The following SUGCT variants were observed in gnomAD, a reference collection of about 807,000 sequenced individuals.
SUGCT encodes the protein succinyl-CoA:glutarate-CoA transferase.
In SUGCT, 41 loss-of-function variants were observed where a neutral mutation model predicts 55.0. That is an observed-to-expected ratio of 0.74 (90% CI 0.58 to 0.97). The LOEUF (loss-of-function observed/expected upper bound fraction) is 0.97. Ranked by LOEUF, SUGCT falls within the 50% of genes least tolerant of loss-of-function variation. The pLI is 0.00. For synonymous variants in SUGCT, 187 were observed against 200.4 expected (o/e 0.93, Z 0.56); for missense variants, 568 against 547.8 (o/e 1.04, Z -0.37).
At chr7:40,333,420 T>C (rs576287282) in intron 9 of SUGCT, among the ~76,000 whole-genome samples, 36 of 151,446 alleles carry the variant, frequency 2.4e-4, no homozygotes, top group Admixed American at 5.3e-4. Flanking sequence ...GTGGATCACT[T>C]GAGGTCAGGA....
At chr7:41,010,133 A>C in the SUGCT span, among the ~76,000 whole-genome samples, 7 of 152,314 alleles carry the variant, frequency 4.6e-5, no homozygotes, top group African/African-American at 1.7e-4. Context: ...TCACCATCTG[A>C]AATTTTTGTT....
At chr7:40,908,113 C>T in the SUGCT span, among the ~76,000 whole-genome samples, 7 of 151,718 alleles carry the variant, frequency 4.6e-5, no homozygotes, top group African/African-American at 7.3e-5. Context: ...TGCGGTGGCT[C>T]GCAACCTGTA....
chr7:40,771,658 T>C (rs1789111815), intron 13 of SUGCT, among the ~76,000 whole-genome samples: 1 of 152,204 alleles, frequency 6.6e-6, no homozygotes, highest in East Asian at 1.9e-4. Context: ...TTCTTACGGA[T>C]ACTATTTTGA....
At chr7:40,822,440 G>T (rs1017956725) in intron 13 of SUGCT, among the ~76,000 whole-genome samples, 2 of 152,074 alleles carry the variant, frequency 1.3e-5, no homozygotes, top group African/African-American at 4.8e-5. Flanking sequence ...TTATGAATCT[G>T]GGTGCTCCTG....
At chr7:40,249,333 A>ATCTATATATATATATC in intron 7 of SUGCT, among the ~76,000 whole-genome samples, 1 of 121,114 alleles carries the variant, frequency 8.3e-6, no homozygotes, top group South Asian at 2.3e-4. Context: ...ATATATATAT[A>ATCTATATATATATATC]TATATATATA....
At chr7:40,340,523 G>C (rs950693928) in intron 9 of SUGCT, among the ~76,000 whole-genome samples, 1 of 152,164 alleles carries the variant, frequency 6.6e-6, no homozygotes, top group African/African-American at 2.4e-5. Flanking sequence ...TACATTAATA[G>C]AAGGGCAGGG....
At chr7:40,374,706 C>T (rs946649821) in intron 9 of SUGCT, among the ~76,000 whole-genome samples, 1 of 152,148 alleles carries the variant, frequency 6.6e-6, no homozygotes, top group African/African-American at 2.4e-5. Flanking sequence ...CAGTGTCTAC[C>T]ACTCTGCTTT....
chr7:40,921,312 A>AC, the SUGCT span, among the ~76,000 whole-genome samples: 1 of 152,158 alleles, frequency 6.6e-6, no homozygotes, highest in East Asian at 1.9e-4. Flanking sequence ...GCCTTTTAAA[A>AC]ACAAAGAAGC....
At chr7:40,306,298 G>T (rs918460526) in intron 8 of SUGCT, among the ~76,000 whole-genome samples, 2 of 152,070 alleles carry the variant, frequency 1.3e-5, no homozygotes, top group African/African-American at 2.4e-5. Context: ...CTTTGTTTTT[G>T]CATGACTAAA....
In SUGCT at chr7:40,314,719, C is replaced by T. The variant is rs867447944; in HGVS notation, c.721-2041C>T. On this transcript the variant is annotated intron_variant, in intron 8 of 13. Transcript: ENST00000335693. ...AGCTGGGATTACAGGCATGTGCCAC[C>T]ATGCCTGGCTAATTTTGTATTTGTA... 1.2e-4 allele frequency among the ~76,000 whole-genome samples: 18 copies of T among 152,122 alleles called. No homozygotes were observed. In the Middle Eastern group the frequency reaches 0.01, roughly 86 times the overall value.
intron 12 of SUGCT, among the ~76,000 whole-genome samples, chr7:40,603,363 G>T (rs1018650164): frequency 6.6e-6 from 1 of 152,126 alleles, no homozygotes; most frequent in African/African-American, 2.4e-5. Flanking sequence ...TAAAAAAGAA[G>T]TGATTTCCTC....
At chr7:40,647,302 A>G (rs1307460026) in intron 12 of SUGCT, among the ~76,000 whole-genome samples, 2 of 152,218 alleles carry the variant, frequency 1.3e-5, no homozygotes, top group African/African-American at 2.4e-5. Context: ...TCAGACTACT[A>G]TGCCTTGTTT....
At chr7:40,502,058 A>G (rs1792308838) in intron 12 of SUGCT, among the ~76,000 whole-genome samples, 1 of 152,040 alleles carries the variant, frequency 6.6e-6, no homozygotes, top group Non-Finnish European at 1.5e-5. Context: ...AGCTTTTACT[A>G]TTTAGTAATT....
chr7:40,780,474 T>C (rs1789678687), intron 13 of SUGCT, among the ~76,000 whole-genome samples: 1 of 152,162 alleles, frequency 6.6e-6, no homozygotes, highest in Non-Finnish European at 1.5e-5. Flanking sequence ...CAGTTACCCA[T>C]ATCTGCTGAT....
intron 1 of SUGCT, among the ~76,000 whole-genome samples, chr7:40,155,122 TAAAAATAA>T (rs914581297): frequency 6.6e-4 from 101 of 152,066 alleles, no homozygotes; most frequent in Non-Finnish European, 3.2e-4. Flanking sequence ...CCGTCTCTAC[TAAAAATAA>T]AAAAATTAGC....
chr7:40,157,908 T>C (rs922866580), intron 1 of SUGCT, among the ~76,000 whole-genome samples: 1 of 152,198 alleles, frequency 6.6e-6, no homozygotes, highest in African/African-American at 2.4e-5. Flanking sequence ...TACTGCTTCA[T>C]TAAAATGTGG....
chr7:40,366,082 C>A (rs1474945927), intron 9 of SUGCT, among the ~76,000 whole-genome samples: 1 of 152,130 alleles, frequency 6.6e-6, no homozygotes. Flanking sequence ...ATCAGTGGAA[C>A]AGAACAGAGC....
chr7:40,681,814 C>G (rs1426175785), intron 12 of SUGCT, among the ~76,000 whole-genome samples: 1 of 152,114 alleles, frequency 6.6e-6, no homozygotes, highest in Non-Finnish European at 1.5e-5. Context: ...AATTGGGGAT[C>G]AGCAGAAAAT....
At chr7:40,443,438 C>T (rs951743214) in intron 9 of SUGCT, among the ~76,000 whole-genome samples, 6 of 152,194 alleles carry the variant, frequency 3.9e-5, no homozygotes, top group African/African-American at 9.7e-5. Context: ...GATGGTATCT[C>T]ATTGTGATTT....
Sources: gnomAD v4.1 joint callset for allele counts (sites outside exome capture counted in the v4.1 genomes callset) on GRCh38, gnomAD v4.1.1 for gene constraint, MANE v1.5 for transcripts, NCBI Gene and HGNC (gene_info 2026-07-23, HGNC 2026-07-21) for gene names.